Variants in TCTA observed in about 807,000 individuals in gnomAD.
TCTA encodes T cell leukemia translocation altered.
A neutral mutation model predicts 13.5 loss-of-function variants in TCTA; 13 were observed. The ratio of observed to expected loss-of-function variants is 0.96; its 90% confidence interval spans 0.63 to 1.53. The LOEUF (loss-of-function observed/expected upper bound fraction) is 1.53, where lower values mean the gene tolerates loss of function less well. Among genes scored for constraint, TCTA ranks in the 40% most tolerant of loss-of-function variants. TCTA has a pLI of 0.00. For missense variants in TCTA, 138 were observed against 131.3 expected (o/e 1.05, Z -0.25); for synonymous variants, 58 against 59.0 (o/e 0.98, Z 0.08).
chr3:49,415,101 GT>G lies in TCTA; in HGVS notation c.*241del. The stretch of plus-strand genomic sequence containing the variant: ...TGGGTGCCTTAAGGAGAGAGATTGT[GT>G]TCTTCCTCTCTCAGGGGTGATAACT... On this transcript the variant is annotated 3_prime_UTR_variant, in exon 3 of 3. Transcript: ENST00000273590. 1 of 509,094 alleles carries G rather than the reference GT, an allele frequency of 2.0e-6. No individual in the cohort carries two copies. Among genetic ancestry groups the G allele is most frequent in the Non-Finnish European group, 3.5e-6 (1 of 283,170 alleles). The allele number at this position is 509,094 out of a possible 1,614,324, so 31.5% of individuals were successfully genotyped here. A position where few individuals can be genotyped will look rare whatever the true frequency, so the allele number is the denominator to read the frequency against.
Position 49,414,788 on chromosome 3 carries a change from C to T in TCTA, c.270-32C>T, listed in dbSNP as rs1166469815. 3 of 1,613,444 alleles carry T rather than the reference C, an allele frequency of 1.9e-6. No individual in the cohort carries two copies. In the African/African-American group the frequency reaches 4.0e-5, roughly 22 times the overall value. On this transcript the variant is annotated intron_variant, in intron 2 of 2. Coordinates refer to ENST00000273590, the MANE Select transcript of TCTA (RefSeq NM_022171.3). ...GCAACTGTTCTGCCCATGGAATAAC[C>T]ACTCTCTCTTCTCTCTCTCCATCAC...
chr3:49,412,707 T>G, intron 1 of TCTA, 67 bp downstream of exon 1: 1 of 1,540,624 alleles, frequency 6.5e-7, no homozygotes, highest in Non-Finnish European at 8.9e-7. Flanking sequence ...ACTGTACCAT[T>G]GGGTTCCCCA....
At position 49,415,114 on chromosome 3, in the gene TCTA, CAG is replaced by C; in HGVS notation, c.*253_*254del. ...GAGAGAGATTGTGTTCTTCCTCTCT[CAG>C]GGGTGATAACTCAGGAAGCCTCTGG... On this transcript the variant is annotated 3_prime_UTR_variant, in exon 3 of 3. Coordinates refer to ENST00000273590, the MANE Select transcript of TCTA (RefSeq NM_022171.3). 2.1e-6 allele frequency: 1 copy of C among 472,672 alleles called. No individual in the cohort carries two copies. Among genetic ancestry groups the C allele is most frequent in the Non-Finnish European group, 3.8e-6 (1 of 262,176 alleles). The allele number at this position is 472,672 out of a possible 1,614,324, so 29.3% of individuals were successfully genotyped here. A position where few individuals can be genotyped will look rare whatever the true frequency, so the allele number is the denominator to read the frequency against.
In TCTA at chr3:49,412,557, T is replaced by C. The variant is rs754205315; in HGVS notation, c.131T>C (p.Leu44Pro). 2 of 1,614,230 alleles carry C rather than the reference T, an allele frequency of 1.2e-6. No individual in the cohort carries two copies. Among genetic ancestry groups the C allele is most frequent in the Non-Finnish European group, 1.7e-6 (2 of 1,180,032 alleles). The change falls in exon 1 of 3, where the codon CTG becomes CCG. Residue 44 changes from leucine to proline, a missense_variant. Leu to Pro is a moderately conservative substitution (Grantham distance 98). Coordinates refer to ENST00000273590, the MANE Select transcript of TCTA (RefSeq NM_022171.3). The stretch of plus-strand genomic sequence containing the variant: ...GTGACCCTCTTCAAGCTGCTGCTGC[T>C]GTGGTTGGTGTTAAGTCTCCTGGGC... ...MRVTLFKLLL[L>P]WLVLSLLGIQ... is the part of the protein sequence containing the mutation.
rs1249863355 is a variant in TCTA, at chr3:49,414,955, G to A, written c.*93G>A. The A allele has an allele frequency of 2.0e-5, 31 of 1,529,680 alleles. No homozygotes were observed. Among genetic ancestry groups the A allele is most frequent in the Admixed American group, 5.2e-5 (3 of 57,560 alleles). 94.8% of individuals were successfully genotyped at this position (1,529,680 alleles called of 1,614,324 possible). A position where few individuals can be genotyped will look rare whatever the true frequency, so the allele number is the denominator to read the frequency against. On this transcript the variant is annotated 3_prime_UTR_variant, in exon 3 of 3. Coordinates refer to ENST00000273590, the MANE Select transcript of TCTA (RefSeq NM_022171.3). ...TCCCCAGACCTCAGGGACAACTGCC[G>A]GGGGTTCAGGGTTGGTAGCAGGGAG...
chr3:49,415,001 G>A lies in TCTA; in HGVS notation c.*139G>A, dbSNP rs1023700318. 18 of 1,024,002 alleles carry A rather than the reference G, an allele frequency of 1.8e-5. No homozygotes were observed. Among genetic ancestry groups the A allele is most frequent in the Non-Finnish European group, 2.5e-5 (17 of 689,484 alleles). The allele number at this position is 1,024,002 out of a possible 1,614,324, so 63.4% of individuals were successfully genotyped here. On this transcript the variant is annotated 3_prime_UTR_variant, in exon 3 of 3. Coordinates refer to ENST00000273590, the MANE Select transcript of TCTA (RefSeq NM_022171.3). Reference sequence around the variant, plus strand: ...GGGAGTACCCAGTGCCTACAGGGCTGGGCCTCTTCTGCCTCTTAAGCCTGC... The same window carrying A: ...GGGAGTACCCAGTGCCTACAGGGCTAGGCCTCTTCTGCCTCTTAAGCCTGC...
intron 1 of TCTA, 168 bp from the exon 2 acceptor site, chr3:49,412,888 A>G: frequency 1.3e-6 from 1 of 742,088 alleles, no homozygotes; most frequent in East Asian, 2.7e-5. Context: ...TCCACCCATC[A>G]CATTGTATCT....
rs2048994512 is a variant in TCTA at position 49,415,662 on chromosome 3, A to G, written c.*800A>G. The stretch of plus-strand genomic sequence containing the variant: ...GAGCCAGGGAATCCTGACCTGAGCC[A>G]GACCTTAAGCTCTATGGTTATTTAG... On this transcript the variant is annotated 3_prime_UTR_variant, in exon 3 of 3. Transcript: ENST00000273590. The G allele has an allele frequency of 6.6e-6, 1 of 152,280 alleles. No homozygotes were observed. The highest frequency in any genetic ancestry group is 2.4e-5 in the African/African-American group (1 of 41,452). 9.4% of individuals were successfully genotyped at this position (152,280 alleles called of 1,614,324 possible).
rs370534224 is a variant in TCTA, at chr3:49,413,091, T to A, written c.250T>A (p.Ser84Thr). The change falls in exon 2 of 3, where the codon TCC becomes ACC. Residue 84 changes from serine to threonine, a missense_variant. By Grantham distance (58) the Ser-to-Thr change is moderately conservative. Transcript: ENST00000273590. ...TCAGAATGGATCCACGCCTGATGGC[T>A]CCACGCATTTCCCTTCGTGGTGAGT... The part of the protein sequence containing the change: ...GGQNGSTPDG[S>T]THFPSWEMAA... The A allele has an allele frequency of 2.2e-5, 36 of 1,614,072 alleles. No individual in the cohort carries two copies. The highest frequency in any genetic ancestry group is 2.7e-5 in the African/African-American group (2 of 74,926).
At position 49,412,440 on chromosome 3, in the gene TCTA, G is replaced by A; in HGVS notation, c.14G>A (p.Trp5Ter). Residue 5 changes from tryptophan (W) to a stop codon, truncating the protein, a stop_gained, in exon 1 of 3, where the codon TGG becomes TAG. Transcript: ENST00000273590. LOFTEE classifies it high-confidence loss of function. Reference sequence around the variant, plus strand: ...CGAGGGCCAGTCATGGCGGAGTCCTGGTCTGGGCAGGCCTTGCAGGCTCTG... The same window carrying A: ...CGAGGGCCAGTCATGGCGGAGTCCTAGTCTGGGCAGGCCTTGCAGGCTCTG... MAES[W>*]SGQALQALPA... The A allele has an allele frequency of 6.2e-7, 1 of 1,610,810 alleles. No homozygotes were observed. Among genetic ancestry groups the A allele is most frequent in the Non-Finnish European group, 8.5e-7 (1 of 1,179,724 alleles).
chr3:49,412,642 T>A lies in TCTA; in HGVS notation c.214+2T>A, dbSNP rs761242017. Reference sequence around the variant, plus strand: ...TGACCGGGTTGTATCACCGTCCAGGTGAGGCTTCCTACGAACCTCCGTGGG... The same window carrying A: ...TGACCGGGTTGTATCACCGTCCAGGAGAGGCTTCCTACGAACCTCCGTGGG... On this transcript the variant is annotated splice_donor_variant, in intron 1 of 2. Coordinates refer to ENST00000273590, the MANE Select transcript of TCTA (RefSeq NM_022171.3). LOFTEE classifies it high-confidence loss of function. 1.2e-6 allele frequency: 2 copies of A among 1,612,752 alleles called. No homozygotes were observed. Among genetic ancestry groups the A allele is most frequent in the Non-Finnish European group, 1.7e-6 (2 of 1,178,822 alleles).
intron 2 of TCTA, among the ~76,000 whole-genome samples, chr3:49,413,654 A>G (rs1430476688): frequency 1.3e-5 from 2 of 152,152 alleles, no homozygotes; most frequent in East Asian, 3.9e-4. Context: ...CAAGAAAGAC[A>G]CCTAAGCCGA....
chr3:49,414,059 G>A (rs1290522219), intron 2 of TCTA, among the ~76,000 whole-genome samples: 1 of 152,158 alleles, frequency 6.6e-6, no homozygotes, highest in Non-Finnish European at 1.5e-5. Context: ...GGCCAACATA[G>A]GGAAACCCCG....
At chr3:49,413,217 G>A in intron 2 of TCTA, 107 bp downstream of exon 2, 2 of 1,270,022 alleles carry the variant, frequency 1.6e-6, no homozygotes, top group South Asian at 2.5e-5. Flanking sequence ...CCAGCTTAAT[G>A]GCCTTTGCAG....
At chr3:49,413,343 A>ATTTTT in intron 2 of TCTA, 1 of 560,082 alleles carries the variant, frequency 1.8e-6, no homozygotes, top group Non-Finnish European at 3.2e-6. Context: ...TATTGTCATA[A>ATTTTT]TTTCAGAGAG....
intron 1 of TCTA, 135 bp downstream of exon 1, chr3:49,412,775 A>G: frequency 2.7e-6 from 3 of 1,097,106 alleles, no homozygotes; most frequent in Non-Finnish European, 3.9e-6. Context: ...ACTACCCTGA[A>G]CGCATCTGAC....
At chr3:49,413,694 C>T (rs920631824) in intron 2 of TCTA, among the ~76,000 whole-genome samples, 2 of 152,048 alleles carry the variant, frequency 1.3e-5, no homozygotes, top group Non-Finnish European at 2.9e-5. Context: ...ACAAAGTGTA[C>T]CAAGCAAAGG....
chr3:49,415,123 TAACTC>T lies in TCTA; in HGVS notation c.*263_*267del. ...TGTGTTCTTCCTCTCTCAGGGGTGATAACTCAGGAAGCCTCTGGGTTGGGAAGACC... is the reference window on the plus strand; with the variant it reads ...TGTGTTCTTCCTCTCTCAGGGGTGATAGGAAGCCTCTGGGTTGGGAAGACC... On this transcript the variant is annotated 3_prime_UTR_variant, in exon 3 of 3. Coordinates refer to ENST00000273590, the MANE Select transcript of TCTA (RefSeq NM_022171.3). 2.2e-6 allele frequency: 1 copy of T among 446,270 alleles called. No individual in the cohort carries two copies. 27.6% of individuals were successfully genotyped at this position (446,270 alleles called of 1,614,324 possible).
chr3:49,412,495 C>G lies in TCTA; in HGVS notation c.69C>G (p.Ser23Arg). ...LPATVLGALG[S>R]EFLREWEAQD... ...CCACGGTGCTGGGCGCGCTGGGCAG[C>G]GAGTTCTTGCGGGAGTGGGAGGCGC... Residue 23 changes from serine (S) to arginine (R), a missense_variant, in exon 1 of 3, where the codon AGC (serine) becomes AGG (arginine). Transcript: ENST00000273590. The G allele has an allele frequency of 6.2e-7, 1 of 1,614,126 alleles. No individual in the cohort carries two copies. Among genetic ancestry groups the G allele is most frequent in the African/African-American group, 1.3e-5 (1 of 75,084 alleles).
Sources: gnomAD v4.1 joint callset for allele counts (sites outside exome capture counted in the v4.1 genomes callset) on GRCh38, gnomAD v4.1.1 for gene constraint, MANE v1.5 for transcripts, NCBI Gene and HGNC (gene_info 2026-07-23, HGNC 2026-07-21) for gene names.